The following ITGAV variants were observed in gnomAD, a reference collection of about 807,000 sequenced individuals.
ITGAV encodes integrin subunit alpha V, also known as integrin alpha-V.
In ITGAV, 76 loss-of-function variants were observed where a neutral mutation model predicts 143.8. The ratio of observed to expected loss-of-function variants is 0.53; its 90% CI spans 0.44 to 0.64. ITGAV has a LOEUF of 0.64. Ranked by LOEUF, ITGAV falls within the 30% of genes least tolerant of loss-of-function variation. The pLI is 0.00. For missense variants in ITGAV, 1,193 were observed against 1,274.7 expected, an observed-to-expected ratio of 0.94 and a Z score of 0.98; for synonymous variants, 453 against 446.7, an observed-to-expected ratio of 1.01 and a Z score of -0.18.
At position 186,679,269 on chromosome 2, in the gene ITGAV, C is replaced by T. The variant is rs1689291838; in HGVS notation, c.*1977C>T. 2 of 151,922 alleles carry T rather than the reference C, an allele frequency of 1.3e-5. No individual in the cohort carries two copies. Among genetic ancestry groups the T allele is most frequent in the South Asian group, 4.1e-4 (2 of 4,828 alleles). The allele number at this position is 151,922 out of a possible 1,614,324, so 9.4% of individuals were successfully genotyped here. On this transcript the variant is annotated 3_prime_UTR_variant, in exon 30 of 30. Coordinates refer to ENST00000261023, the MANE Select transcript of ITGAV (RefSeq NM_002210.5). ...TCTTTGGCAAAAGTGTTAGAATTTG[C>T]TTTTGTGCCATCTATTCCTTTTATG...
Position 186,669,693 on chromosome 2 carries a change from T to C in ITGAV, c.2593-8T>C. The C allele has an allele frequency of 6.3e-7, 1 of 1,587,386 alleles. No individual in the cohort carries two copies. Among genetic ancestry groups the C allele is most frequent in the Non-Finnish European group, 8.6e-7 (1 of 1,160,444 alleles). On this transcript the variant is annotated splice_polypyrimidine_tract_variant and splice_region_variant and intron_variant, in intron 25 of 29. Coordinates refer to ENST00000261023, the MANE Select transcript of ITGAV (RefSeq NM_002210.5). ...TTTACCACCATTTTATTAATGTGAT[T>C]GCATTAGATCTCATCTTTGCAAACA...
chr2:186,642,059 A>T (rs3768785), intron 12 of ITGAV, among the ~76,000 whole-genome samples: 1 of 152,100 alleles, frequency 6.6e-6, no homozygotes, highest in African/African-American at 2.4e-5. Context: ...TAGCTGTCCA[A>T]AATGTTCTAA....
intron 2 of ITGAV, 29 bp downstream of exon 2, chr2:186,602,180 A>C: frequency 1.3e-6 from 2 of 1,588,562 alleles, no homozygotes; most frequent in Non-Finnish European, 8.6e-7. Context: ...TTTTCTTTTC[A>C]TTGATTTCAT....
At position 186,609,274 on chromosome 2, in the gene ITGAV, G is replaced by A. The variant is rs149737884; in HGVS notation, c.316+7123G>A. ...ATTTTACTTTGTGTTTACCAGTGACGTCCCTGGATGTTAGATAGTATATCA... is the reference window on the plus strand; with the variant it reads ...ATTTTACTTTGTGTTTACCAGTGACATCCCTGGATGTTAGATAGTATATCA... On this transcript the variant is annotated intron_variant, in intron 2 of 29. Transcript: ENST00000261023. Among the ~76,000 whole-genome samples, 94 of 152,204 alleles carry A rather than the reference G, an allele frequency of 6.2e-4. 1 individual carries two copies. The Middle Eastern group carries it at 0.01, about 17-fold the overall frequency.
chr2:186,609,718 A>C (rs1326120945), intron 2 of ITGAV, among the ~76,000 whole-genome samples: 1 of 152,094 alleles, frequency 6.6e-6, no homozygotes, highest in Non-Finnish European at 1.5e-5. Flanking sequence ...AGAGGGTTCT[A>C]GCTTGAGAAA....
Position 186,590,111 on chromosome 2 carries a change from C to T in ITGAV, c.-228C>T, listed in dbSNP as rs917721396. The T allele has an allele frequency of 4.8e-6, 2 of 416,600 alleles. No individual in the cohort carries two copies. Among genetic ancestry groups the T allele is most frequent in the Non-Finnish European group, 4.2e-6 (1 of 240,346 alleles). 25.8% of individuals were successfully genotyped at this position (416,600 alleles called of 1,614,324 possible). A position where few individuals can be genotyped will look rare whatever the true frequency, so the allele number is the denominator to read the frequency against. ...GCGGAGCCGGAGGGAAGCAAAGGAC[C>T]GTCTGCGCTGCTGTCCCCGCCCCGC... On this transcript the variant is annotated 5_prime_UTR_variant, in exon 1 of 30. Coordinates refer to ENST00000261023, the MANE Select transcript of ITGAV (RefSeq NM_002210.5).
intron 17 of ITGAV, among the ~76,000 whole-genome samples, chr2:186,656,613 C>T (rs1452081258): frequency 6.6e-6 from 1 of 152,082 alleles, no homozygotes; most frequent in Non-Finnish European, 1.5e-5. Context: ...CACAACAATA[C>T]TACTGAACAA....
chr2:186,624,849 A>C (rs1452989492), intron 3 of ITGAV, among the ~76,000 whole-genome samples: 5 of 152,124 alleles, frequency 3.3e-5, no homozygotes, highest in African/African-American at 4.8e-5. Context: ...TTCCATATGC[A>C]TGAGTGTTAC....
At chr2:186,664,850 G>A (rs1335889170) in intron 20 of ITGAV, among the ~76,000 whole-genome samples, 1 of 152,164 alleles carries the variant, frequency 6.6e-6, no homozygotes, top group African/African-American at 2.4e-5. Flanking sequence ...TGCAAGCTAA[G>A]TGCCTGGAAA....
rs1689262859 is a variant in ITGAV at position 186,678,110 on chromosome 2, G to GT, written c.*818_*819insT. The GT allele has an allele frequency of 6.6e-6, 1 of 151,852 alleles. No individual in the cohort carries two copies. The highest frequency in any genetic ancestry group is 2.1e-4 in the South Asian group (1 of 4,830). The allele number at this position is 151,852 out of a possible 1,614,324, so 9.4% of individuals were successfully genotyped here. ...TATGGAGTTGGAAATTATTTCCAAA[G>GT]CATATTTATTCCATTGTTTTAGTCT... On this transcript the variant is annotated 3_prime_UTR_variant, in exon 30 of 30. Coordinates refer to ENST00000261023, the MANE Select transcript of ITGAV (RefSeq NM_002210.5).
intron 1 of ITGAV, among the ~76,000 whole-genome samples, chr2:186,593,544 A>G (rs1396843562): frequency 1.3e-5 from 2 of 152,148 alleles, no homozygotes; most frequent in Non-Finnish European, 2.9e-5. Flanking sequence ...TAATAATTAG[A>G]GTCATACTTT....
intron 6 of ITGAV, 134 bp from the exon 7 acceptor site, chr2:186,635,948 G>C (rs1365203191): frequency 3.2e-6 from 2 of 625,350 alleles, no homozygotes; most frequent in East Asian, 3.1e-5. Flanking sequence ...TATGATCAAG[G>C]AGAGTTATGT....
In ITGAV at chr2:186,661,801, T is replaced by A. The variant is rs1047425703; in HGVS notation, c.1858-1967T>A. ...CAGGAGAGATGAGATTTCACCATGT[T>A]GTCCAGGACAGTCTTGATCTCCTGA... On this transcript the variant is annotated intron_variant, in intron 18 of 29. Transcript: ENST00000261023. 3.7e-4 allele frequency among the ~76,000 whole-genome samples: 56 copies of A among 152,058 alleles called. 1 individual carries two copies. Among genetic ancestry groups the A allele is most frequent in the Non-Finnish European group, 1.2e-4 (8 of 68,014 alleles).
chr2:186,639,088 C>T (rs1231495878), intron 10 of ITGAV, among the ~76,000 whole-genome samples: 3 of 151,786 alleles, frequency 2.0e-5, no homozygotes, highest in Admixed American at 1.3e-4. Flanking sequence ...ATATTATAAG[C>T]GAACTTCATT....
chr2:186,664,575 C>T lies in ITGAV; in HGVS notation c.2007C>T (p.Tyr669=), dbSNP rs200857823. Residue 669 remains tyrosine (Y), a synonymous_variant, in exon 20 of 30, where the codon TAC becomes TAT. Transcript: ENST00000261023. The part of the protein sequence containing the change: ...VKAQNQGEGA[Y]EAELIVSIPL... ...CTCAGAATCAAGGAGAAGGTGCCTACGAAGCTGAGCTCATCGTTTCCATTC... is the reference window on the plus strand; with the variant it reads ...CTCAGAATCAAGGAGAAGGTGCCTATGAAGCTGAGCTCATCGTTTCCATTC... 1.7e-5 allele frequency: 28 copies of T among 1,614,092 alleles called. No individual in the cohort carries two copies. The highest frequency in any genetic ancestry group is 2.3e-5 in the Non-Finnish European group (27 of 1,179,966).
chr2:186,624,954 A>AG (rs1687632923), intron 3 of ITGAV, among the ~76,000 whole-genome samples: 1 of 151,804 alleles, frequency 6.6e-6, no homozygotes, highest in South Asian at 2.1e-4. Flanking sequence ...ACTATTTTGA[A>AG]AAAAAAAATT....
rs749413653 is a variant in ITGAV, at chr2:186,646,852, A to G, written c.1326A>G (p.Thr442=). 4 of 1,595,358 alleles carry G rather than the reference A, an allele frequency of 2.5e-6. No homozygotes were observed. The East Asian group carries it at 9.0e-5, about 36-fold the overall frequency. Reference sequence around the variant, plus strand: ...TTGGCTATTCAATGAAAGGAGCCACAGATATAGACAAAAATGGATATCCAG... The same window carrying G: ...TTGGCTATTCAATGAAAGGAGCCACGGATATAGACAAAAATGGATATCCAG... ...PSFGYSMKGA[T]DIDKNGYPDL... is the part of the protein sequence containing the mutation. The change falls in exon 13 of 30, where the codon ACA becomes ACG. Residue 442 remains threonine (T), a synonymous_variant. Coordinates refer to ENST00000261023, the MANE Select transcript of ITGAV (RefSeq NM_002210.5).
At chr2:186,669,388 A>T (rs58307002) in intron 25 of ITGAV, among the ~76,000 whole-genome samples, 2,980 of 152,320 alleles carry the variant, frequency 0.02, 109 homozygotes, top group African/African-American at 0.069. Flanking sequence ...AAAATAAAAG[A>T]TATACCCATG....
intron 3 of ITGAV, among the ~76,000 whole-genome samples, chr2:186,623,249 A>G (rs1473316943): frequency 6.6e-6 from 1 of 152,106 alleles, no homozygotes; most frequent in Non-Finnish European, 1.5e-5. Flanking sequence ...TAGCATTTAT[A>G]CATATGTGCA....
Sources: allele counts gnomAD v4.1 joint callset (sites outside exome capture counted in the v4.1 genomes callset), GRCh38; gene constraint gnomAD v4.1.1; transcripts MANE v1.5; gene names NCBI Gene and HGNC (gene_info 2026-07-23, HGNC 2026-07-21).